Variants in TUSC3 observed in about 807,000 individuals in gnomAD.
TUSC3 encodes tumor suppressor candidate 3.
A neutral mutation model predicts 44.8 loss-of-function variants in TUSC3; 45 were observed. The observed-to-expected ratio is 1.00, with a 90% confidence interval of 0.79 to 1.29. The LOEUF (loss-of-function observed/expected upper bound fraction) is 1.29. Among genes scored for constraint, TUSC3 ranks in the 50% most tolerant of loss-of-function variants. The pLI is 0.00. For synonymous variants in TUSC3, 212 were observed against 152.9 expected (o/e 1.39, Z -2.85); for missense variants, 519 against 437.9 (o/e 1.19, Z -1.65).
At chr8:15,501,729 G>C (rs540304633) in intron 2 of TUSC3, among the ~76,000 whole-genome samples, 1 of 152,284 alleles carries the variant, frequency 6.6e-6, no homozygotes, top group South Asian at 2.1e-4. Flanking sequence ...TAGTAATAGT[G>C]ATAGATAACA....
intron 5 of TUSC3, among the ~76,000 whole-genome samples, chr8:15,667,721 A>G (rs1055420397): frequency 2.0e-5 from 3 of 151,728 alleles, no homozygotes; most frequent in Non-Finnish European, 4.4e-5. Flanking sequence ...GAAATCTATG[A>G]AATAATTATG....
In TUSC3 at chr8:15,437,475, A is replaced by G. The variant is rs78530857; in HGVS notation, n.91+20170A>G. ...GTTATAAGTGCTTAGAGCTTCTACT[A>G]TTAATATTTGGTTTGAATTTGAAGG... On this transcript the variant is annotated intron_variant and non_coding_transcript_variant, in intron 1 of 5. Transcript: ENST00000503191. Among the ~76,000 whole-genome samples, 1,463 of 152,268 alleles carry G rather than the reference A, an allele frequency of 9.6e-3. 27 individuals are homozygous for G. Among genetic ancestry groups the G allele is most frequent in the African/African-American group, 0.033 (1,387 of 41,556 alleles).
At chr8:15,750,809 G>C (rs552968043) in intron 9 of TUSC3, among the ~76,000 whole-genome samples, 24 of 152,166 alleles carry the variant, frequency 1.6e-4, no homozygotes, top group African/African-American at 5.8e-4. Context: ...ACAGGAGATA[G>C]ATTTGCCTTC....
chr8:15,459,367 G>T (rs1367001742), intron 1 of TUSC3, among the ~76,000 whole-genome samples: 1 of 151,966 alleles, frequency 6.6e-6, no homozygotes, highest in Non-Finnish European at 1.5e-5. Flanking sequence ...GTGATTTGAA[G>T]AAACTCTTCT....
chr8:15,490,939 G>T (rs1194731430), intron 2 of TUSC3, among the ~76,000 whole-genome samples: 2 of 152,140 alleles, frequency 1.3e-5, no homozygotes, highest in Admixed American at 1.3e-4. Context: ...AAAAATTACA[G>T]TGCTCCATGC....
At chr8:15,613,435 C>G (rs187903113) in intron 1 of TUSC3, among the ~76,000 whole-genome samples, 1 of 152,110 alleles carries the variant, frequency 6.6e-6, no homozygotes, top group Non-Finnish European at 1.5e-5. Context: ...TTGTAAGATG[C>G]AGTGCTAAGA....
intron 6 of TUSC3, among the ~76,000 whole-genome samples, chr8:15,715,656 C>A: frequency 6.7e-6 from 1 of 150,228 alleles, no homozygotes; most frequent in African/African-American, 2.5e-5. Flanking sequence ...AAAGTAAAAC[C>A]AAAGATAAGG....
chr8:15,528,822 G>C (rs1478708871), intron 2 of TUSC3, among the ~76,000 whole-genome samples: 1 of 152,090 alleles, frequency 6.6e-6, no homozygotes, highest in East Asian at 1.9e-4. Context: ...AAGATACCTT[G>C]AATTTTCTTA....
chr8:15,830,659 C>T, the TUSC3 span, among the ~76,000 whole-genome samples: 5 of 152,052 alleles, frequency 3.3e-5, no homozygotes, highest in Admixed American at 3.3e-4. Context: ...AACTTAAAAA[C>T]AGAAAATTAA....
At chr8:15,585,796 C>G (rs1002204604) in intron 1 of TUSC3, among the ~76,000 whole-genome samples, 6 of 152,144 alleles carry the variant, frequency 3.9e-5, no homozygotes, top group African/African-American at 1.4e-4. Context: ...GCAGACTGTT[C>G]TTTTGTTTGA....
chr8:15,828,655 T>A, the TUSC3 span, among the ~76,000 whole-genome samples: 1 of 152,348 alleles, frequency 6.6e-6, no homozygotes, highest in African/African-American at 2.4e-5. Context: ...GAAATGATAT[T>A]TTCCTTACAA....
intron 2 of TUSC3, among the ~76,000 whole-genome samples, chr8:15,505,184 G>T (rs2129127524): frequency 6.6e-6 from 1 of 152,242 alleles, no homozygotes; most frequent in South Asian, 2.1e-4. Context: ...TGTTTTCACA[G>T]ATGACTCAGG....
upstream of TUSC3, among the ~76,000 whole-genome samples, chr8:15,539,540 G>A (rs1160367398): frequency 6.6e-6 from 1 of 151,718 alleles, no homozygotes; most frequent in Non-Finnish European, 1.5e-5. Flanking sequence ...TAGTAGAAAT[G>A]GGGTTTCCCC....
chr8:15,713,845 A>G (rs1324687358), intron 6 of TUSC3, among the ~76,000 whole-genome samples: 1 of 151,964 alleles, frequency 6.6e-6, no homozygotes, highest in Non-Finnish European at 1.5e-5. Flanking sequence ...TTTGGGAGGG[A>G]CTCAATTCAG....
intron 6 of TUSC3, among the ~76,000 whole-genome samples, chr8:15,701,968 G>A (rs1809425109): frequency 6.6e-6 from 1 of 152,140 alleles, no homozygotes; most frequent in Admixed American, 6.6e-5. Flanking sequence ...ACTAAGTCAT[G>A]TTGACACAGA....
At chr8:15,524,525 C>A (rs917015272) in intron 2 of TUSC3, among the ~76,000 whole-genome samples, 1 of 151,904 alleles carries the variant, frequency 6.6e-6, no homozygotes, top group Non-Finnish European at 1.5e-5. Flanking sequence ...AAATAATAGA[C>A]CATGTGGAAA....
At chr8:15,843,967 A>G in the TUSC3 span, among the ~76,000 whole-genome samples, 1 of 152,102 alleles carries the variant, frequency 6.6e-6, no homozygotes, top group Admixed American at 6.6e-5. Flanking sequence ...TTATTGGGAG[A>G]TAGAAGGAAA....
intron 1 of TUSC3, among the ~76,000 whole-genome samples, chr8:15,462,423 C>G (rs1800357824): frequency 1.3e-5 from 2 of 151,996 alleles, no homozygotes; most frequent in South Asian, 4.1e-4. Context: ...GATAGGTAAA[C>G]TGACACTCAT....
chr8:15,655,482 C>A (rs1412520067), intron 3 of TUSC3, among the ~76,000 whole-genome samples: 3 of 152,234 alleles, frequency 2.0e-5, no homozygotes, highest in Non-Finnish European at 4.4e-5. Flanking sequence ...GGGGAAGAGA[C>A]AAACCCTGGG....
Sources: allele counts gnomAD v4.1 joint callset (sites outside exome capture counted in the v4.1 genomes callset), GRCh38; gene constraint gnomAD v4.1.1; transcripts MANE v1.5; gene names NCBI Gene and HGNC (gene_info 2026-07-23, HGNC 2026-07-21).